Variants in ARIH2 observed in about 807,000 individuals in gnomAD.
ARIH2 encodes the protein ariadne RBR E3 ubiquitin protein ligase 2.
A neutral mutation model predicts 79.8 loss-of-function variants in ARIH2; 12 were observed. The ratio of observed to expected loss-of-function variants is 0.15; its 90% CI spans 0.10 to 0.24. ARIH2 has a LOEUF of 0.24. Ranked by LOEUF, ARIH2 falls within the 10% of genes least tolerant of loss-of-function variation. The pLI is 1.00. For synonymous variants in ARIH2, 224 were observed against 213.9 expected, an observed-to-expected ratio of 1.05 and a Z score of -0.41; for missense variants, 301 against 618.3, an observed-to-expected ratio of 0.49 and a Z score of 5.44.
rs1483409827 is a variant in ARIH2 at position 48,984,614 on chromosome 3, G to C, written c.*1344G>C. Reference sequence around the variant, plus strand: ...GGTCCTGTGGGCCATTGAAAAGTTAGATCTGTGATCTCTGGGGTTTTTGTG... The same window carrying C: ...GGTCCTGTGGGCCATTGAAAAGTTACATCTGTGATCTCTGGGGTTTTTGTG... On this transcript the variant is annotated 3_prime_UTR_variant, in exon 16 of 16. Transcript: ENST00000356401. The C allele has an allele frequency of 6.6e-6, 1 of 152,244 alleles. No individual in the cohort carries two copies. Among genetic ancestry groups the C allele is most frequent in the East Asian group, 1.9e-4 (1 of 5,200 alleles). The allele number at this position is 152,244 out of a possible 1,614,324, so 9.4% of individuals were successfully genotyped here.
At chr3:48,934,904 G>C in intron 3 of ARIH2, 1 of 985,112 alleles carries the variant, frequency 1.0e-6, no homozygotes, top group South Asian at 4.7e-5. Flanking sequence ...TGTGCTTTCT[G>C]TCTACCTCAG....
At position 48,942,940 on chromosome 3, in the gene ARIH2, C is replaced by T. The variant is rs1336971194; in HGVS notation, c.255+15127C>T. Among the ~76,000 whole-genome samples the T allele has an allele frequency of 5.9e-5, 9 of 151,990 alleles. No individual in the cohort carries two copies. The South Asian group carries it at 1.2e-3, about 21-fold the overall frequency. On this transcript the variant is annotated intron_variant, in intron 3 of 15. Transcript: ENST00000356401. ...TGCTGGAATTACAGGAGTGAGTCACCGTGCCTGGCCCTAATTTTTGTATTT... is the reference window on the plus strand; with the variant it reads ...TGCTGGAATTACAGGAGTGAGTCACTGTGCCTGGCCCTAATTTTTGTATTT...
At chr3:48,933,853 A>G (rs780721173) in intron 3 of ARIH2, among the ~76,000 whole-genome samples, 2 of 152,008 alleles carry the variant, frequency 1.3e-5, no homozygotes, top group Admixed American at 6.6e-5. Flanking sequence ...GCCTGTCCCT[A>G]TTGCTCACTT....
At chr3:48,971,476 C>G (rs1366645721) in intron 8 of ARIH2, among the ~76,000 whole-genome samples, 2 of 152,204 alleles carry the variant, frequency 1.3e-5, no homozygotes, top group East Asian at 1.9e-4. Flanking sequence ...AACTCCTGAC[C>G]TCGTGATCTG....
intron 2 of ARIH2, 60 bp downstream of exon 2, chr3:48,922,871 A>C (rs2085004466): frequency 6.6e-6 from 1 of 152,160 alleles, no homozygotes. Flanking sequence ...CGTTAAGTTT[A>C]GTTGTGATTA....
intron 3 of ARIH2, among the ~76,000 whole-genome samples, chr3:48,940,205 CAAAAAA>C (rs1481574506): frequency 6.6e-6 from 1 of 151,686 alleles, no homozygotes; most frequent in Middle Eastern, 3.2e-3. Flanking sequence ...GACTCCGTCT[CAAAAAA>C]GAAAAAAAAT....
chr3:48,944,288 TA>T (rs571580316), intron 3 of ARIH2, among the ~76,000 whole-genome samples: 10 of 151,128 alleles, frequency 6.6e-5, no homozygotes, highest in East Asian at 1.9e-4. Context: ...TTTTCATAAT[TA>T]AAAAAAAATA....
intron 9 of ARIH2, 36 bp from the exon 10 acceptor site, chr3:48,974,781 G>T: frequency 6.2e-7 from 1 of 1,610,870 alleles, no homozygotes; most frequent in Non-Finnish European, 8.5e-7. Context: ...CAACCTGGTG[G>T]TGTGTGAGCC....
rs1350099355 is a variant in ARIH2, at chr3:48,973,937, G to A, written c.888+121G>A. Reference sequence around the variant, plus strand: ...AGCCCCAGGACCCTTCCTGAGGACTGGGGGTTTGGGGACCCTCACACAGAG... The same window carrying A: ...AGCCCCAGGACCCTTCCTGAGGACTAGGGGTTTGGGGACCCTCACACAGAG... On this transcript the variant is annotated intron_variant, in intron 9 of 15. Transcript: ENST00000356401. 4 of 670,190 alleles carry A rather than the reference G, an allele frequency of 6.0e-6. No homozygotes were observed. In the East Asian group the frequency reaches 1.0e-4, roughly 18 times the overall value. The allele number at this position is 670,190 out of a possible 1,614,324, so 41.5% of individuals were successfully genotyped here.
intron 3 of ARIH2, among the ~76,000 whole-genome samples, chr3:48,935,289 A>G (rs2086956546): frequency 6.6e-6 from 1 of 152,262 alleles, no homozygotes; most frequent in Admixed American, 6.5e-5. Context: ...TATAATAATC[A>G]GTAGATATAT....
intron 1 of ARIH2, 154 bp downstream of exon 1, chr3:48,919,152 C>T: frequency 2.3e-6 from 3 of 1,302,614 alleles, no homozygotes; most frequent in Non-Finnish European, 2.9e-6. Flanking sequence ...CCGAGCATTA[C>T]CCGCCGTCAG....
At chr3:48,960,438 G>A (rs925172575) in intron 3 of ARIH2, among the ~76,000 whole-genome samples, 3 of 150,706 alleles carry the variant, frequency 2.0e-5, no homozygotes, top group South Asian at 2.1e-4. Context: ...CTAGACAACC[G>A]TAGTGCAGCT....
At chr3:48,975,115 T>G in intron 11 of ARIH2, 136 bp downstream of exon 11, 1 of 1,421,520 alleles carries the variant, frequency 7.0e-7, no homozygotes, top group East Asian at 2.3e-5. Flanking sequence ...TCACAGTAAC[T>G]GGCATAAAGT....
intron 7 of ARIH2, 121 bp from the exon 8 acceptor site, chr3:48,970,474 A>T: frequency 1.5e-6 from 1 of 680,160 alleles, no homozygotes; most frequent in Non-Finnish European, 2.6e-6. Context: ...CTGAATTTAT[A>T]TAGCCCCTTC....
At chr3:48,970,797 A>C in intron 8 of ARIH2, 93 bp downstream of exon 8, 1 of 948,044 alleles carries the variant, frequency 1.1e-6, no homozygotes, top group South Asian at 1.4e-5. Context: ...CGGCACTGGA[A>C]GAGGCAGGGT....
At chr3:48,972,729 T>C (rs571130606) in intron 8 of ARIH2, among the ~76,000 whole-genome samples, 1 of 152,096 alleles carries the variant, frequency 6.6e-6, no homozygotes, top group African/African-American at 2.4e-5. Context: ...ATCCTTTTTT[T>C]AAAAAACAGG....
rs75586776 is a variant in ARIH2 at position 48,975,388 on chromosome 3, G to A, written c.961+409G>A. On this transcript the variant is annotated intron_variant, in intron 11 of 15. Transcript: ENST00000356401. The stretch of plus-strand genomic sequence containing the variant: ...CCGTTTTACAAAGTTTCTAGTGGGG[G>A]TTTTGATTTAGCCTTTCAGACCTCC... Among the ~76,000 whole-genome samples the A allele has an allele frequency of 6.9e-3, 1,054 of 152,306 alleles. 16 individuals are homozygous for A. Among genetic ancestry groups the A allele is most frequent in the African/African-American group, 0.024 (987 of 41,550 alleles).
At chr3:48,968,684 T>C (rs2107598514) in intron 7 of ARIH2, 29 bp downstream of exon 7, 2 of 1,596,524 alleles carry the variant, frequency 1.3e-6, no homozygotes, top group East Asian at 4.5e-5. Context: ...CTGCCCTCTG[T>C]CTTCCCGGGC....
chr3:48,959,027 A>G (rs1352361771), intron 3 of ARIH2, among the ~76,000 whole-genome samples: 1 of 151,626 alleles, frequency 6.6e-6, no homozygotes, highest in African/African-American at 2.4e-5. Context: ...AATAATAATA[A>G]TAAAATAGGC....
Sources: gnomAD v4.1 joint callset for allele counts (sites outside exome capture counted in the v4.1 genomes callset) on GRCh38, gnomAD v4.1.1 for gene constraint, MANE v1.5 for transcripts, NCBI Gene and HGNC (gene_info 2026-07-23, HGNC 2026-07-21) for gene names.